Variants in ROBO1 observed in about 807,000 individuals in gnomAD.
ROBO1 encodes roundabout homolog 1.
ROBO1 carries 149 observed loss-of-function variants against 195.9 expected under a neutral mutation model. That is an observed-to-expected ratio of 0.76 (90% CI 0.67 to 0.87). The LOEUF (loss-of-function observed/expected upper bound fraction) is 0.87, where lower values mean the gene tolerates loss of function less well. Ranked by LOEUF, ROBO1 falls within the 40% of genes least tolerant of loss-of-function variation. ROBO1 has a pLI of 0.00. For synonymous variants in ROBO1, 816 were observed against 733.2 expected (o/e 1.11, Z -1.82); for missense variants, 1,933 against 2,068.3 (o/e 0.93, Z 1.27).
At chr3:79,263,433 G>A (rs1032217104) in intron 2 of ROBO1, among the ~76,000 whole-genome samples, 1 of 152,044 alleles carries the variant, frequency 6.6e-6, no homozygotes, top group African/African-American at 2.4e-5. Context: ...AAAACAGCAT[G>A]AGGACAAGAG....
At chr3:78,875,093 A>T (rs969970222) in intron 4 of ROBO1, among the ~76,000 whole-genome samples, 5 of 152,042 alleles carry the variant, frequency 3.3e-5, no homozygotes, top group African/African-American at 9.7e-5. Flanking sequence ...GTCATGGGAA[A>T]ATTAGAGAAT....
intron 21 of ROBO1, among the ~76,000 whole-genome samples, chr3:78,645,437 T>C (rs181252529): frequency 8.7e-6 from 1 of 114,856 alleles, no homozygotes; most frequent in East Asian, 2.5e-4. Context: ...GTAAGCTAGA[T>C]GTTACTGTTT....
intron 5 of ROBO1, among the ~76,000 whole-genome samples, chr3:78,723,337 T>C (rs2082086622): frequency 6.6e-6 from 1 of 152,186 alleles, no homozygotes; most frequent in Non-Finnish European, 1.5e-5. Context: ...AACAGGGCTG[T>C]ACCATGTAGG....
chr3:79,379,103 T>C (rs1052666888), intron 2 of ROBO1, among the ~76,000 whole-genome samples: 3 of 130,396 alleles, frequency 2.3e-5, no homozygotes, highest in African/African-American at 7.5e-5. Flanking sequence ...AGTGGAACAT[T>C]ACACATGTAC....
chr3:78,658,613 A>G (rs1707186066), intron 17 of ROBO1, among the ~76,000 whole-genome samples: 1 of 152,240 alleles, frequency 6.6e-6, no homozygotes, highest in African/African-American at 2.4e-5. Context: ...GATGTTCTCA[A>G]GCAATATATA....
intron 25 of ROBO1, among the ~76,000 whole-genome samples, chr3:78,627,846 C>G (rs1484591987): frequency 1.3e-5 from 2 of 151,980 alleles, no homozygotes; most frequent in East Asian, 3.9e-4. Flanking sequence ...TTAGTACAGC[C>G]CAAATGTATT....
chr3:79,402,299 T>C (rs979466400), intron 2 of ROBO1, among the ~76,000 whole-genome samples: 2 of 151,966 alleles, frequency 1.3e-5, no homozygotes, highest in African/African-American at 4.8e-5. Flanking sequence ...AAGACACTTA[T>C]TATTACAGAC....
intron 2 of ROBO1, among the ~76,000 whole-genome samples, chr3:79,421,299 A>C (rs533764295): frequency 3.6e-4 from 55 of 152,176 alleles, no homozygotes; most frequent in South Asian, 8.3e-4. Context: ...GTAATAAAAT[A>C]ATCTGTATAA....
chr3:79,562,798 T>G (rs1406694187), intron 2 of ROBO1, among the ~76,000 whole-genome samples: 1 of 152,022 alleles, frequency 6.6e-6, no homozygotes, highest in Non-Finnish European at 1.5e-5. Context: ...TATACTAAAA[T>G]AAAGTGATAT....
At chr3:79,526,397 T>C (rs998468212) in intron 2 of ROBO1, 5 of 152,218 alleles carry the variant, frequency 3.3e-5, no homozygotes, top group Non-Finnish European at 7.3e-5. Flanking sequence ...AGGTAACAGA[T>C]AGAGCTATGT....
At chr3:78,977,210 TC>T in intron 3 of ROBO1, among the ~76,000 whole-genome samples, 1 of 152,270 alleles carries the variant, frequency 6.6e-6, no homozygotes, top group African/African-American at 2.4e-5. Flanking sequence ...TCTCAGTCTA[TC>T]TTTTTAAACC....
In ROBO1 at chr3:78,884,912, CTCA is replaced by C. The variant is rs768144054; in HGVS notation, c.499+53686_499+53688del. ...TGTGTGTATTTCTCTTCTGTATGTT[CTCA>C]TCATGAAACTCAATTGCATTGCTTT... On this transcript the variant is annotated intron_variant, in intron 4 of 30. Transcript: ENST00000464233. Among the ~76,000 whole-genome samples, 4 of 141,398 alleles carry C rather than the reference CTCA, an allele frequency of 2.8e-5. No individual in the cohort carries two copies. The East Asian group carries it at 6.2e-4, about 22-fold the overall frequency. The allele number at this position is 141,398 out of a possible 152,430, so 92.8% of individuals were successfully genotyped here. A position where few individuals can be genotyped will look rare whatever the true frequency, so the allele number is the denominator to read the frequency against.
intron 2 of ROBO1, among the ~76,000 whole-genome samples, chr3:79,270,426 C>A (rs1204825359): frequency 6.7e-6 from 1 of 149,318 alleles, no homozygotes; most frequent in South Asian, 2.1e-4. Context: ...AACGTTAAGA[C>A]AAATGTCAAC....
intron 2 of ROBO1, among the ~76,000 whole-genome samples, chr3:79,344,198 T>C (rs2035020209): frequency 6.6e-6 from 1 of 152,216 alleles, no homozygotes; most frequent in Non-Finnish European, 1.5e-5. Context: ...CAGGTGAAGA[T>C]GGAAGTACCC....
chr3:79,386,535 A>T lies in ROBO1; in HGVS notation c.88+203289T>A, dbSNP rs138597416. Among the ~76,000 whole-genome samples the T allele has an allele frequency of 4.1e-3, 619 of 152,240 alleles. 2 individuals are homozygous for T. The highest frequency in any genetic ancestry group is 6.8e-3 in the Middle Eastern group (2 of 294). ...GGTCAGTTATTGTGCTAAATGCAAG[A>T]CAATGAAAGATGACTGAGGGATGCT... On this transcript the variant is annotated intron_variant, in intron 2 of 30. Coordinates refer to ENST00000464233, the MANE Select transcript of ROBO1 (RefSeq NM_002941.4).
At chr3:79,460,873 G>A (rs923863234) in intron 2 of ROBO1, among the ~76,000 whole-genome samples, 1 of 151,842 alleles carries the variant, frequency 6.6e-6, no homozygotes, top group Admixed American at 6.6e-5. Context: ...TCAACCTCCC[G>A]AGTAGCTGGG....
rs762790606 is a variant in ROBO1, at chr3:78,667,977, G to T, written c.1872C>A (p.Leu624=). Residue 624 remains leucine (L), a synonymous_variant, in exon 14 of 31, where the codon CTC becomes CTA. Coordinates refer to ENST00000464233, the MANE Select transcript of ROBO1 (RefSeq NM_002941.4). Reference sequence around the variant, plus strand: ...GGAAAAGGTAAATTGCATTAGGTTTGAGTCCTTTAATGGCAGATGTTTCTG... The same window carrying T: ...GGAAAAGGTAAATTGCATTAGGTTTTAGTCCTTTAATGGCAGATGTTTCTG... ...VKTETSAIKG[L]KPNAIYLFLV... is the part of the protein sequence containing the mutation. The T allele has an allele frequency of 6.2e-7, 1 of 1,613,762 alleles. No individual in the cohort carries two copies. The highest frequency in any genetic ancestry group is 8.5e-7 in the Non-Finnish European group (1 of 1,179,782).
chr3:79,023,454 C>T (rs368221537), intron 3 of ROBO1, among the ~76,000 whole-genome samples: 304 of 152,204 alleles, frequency 2.0e-3, no homozygotes, highest in African/African-American at 7.1e-3. Flanking sequence ...TTTCAAGAAA[C>T]GAGGCCTATT....
rs770388395 is a variant in ROBO1, at chr3:79,214,811, AAT to A, written c.89-89274_89-89273del. ...ATATACACCATACCACAAAACTGCA[AAT>A]ATATATATATATATTTTTTTTTTTT... On this transcript the variant is annotated intron_variant, in intron 2 of 30. Transcript: ENST00000464233. 4.7e-3 allele frequency among the ~76,000 whole-genome samples: 677 copies of A among 143,392 alleles called. 4 individuals are homozygous for A. Among genetic ancestry groups the A allele is most frequent in the African/African-American group, 0.015 (559 of 37,972 alleles). 94.1% of individuals were successfully genotyped at this position (143,392 alleles called of 152,430 possible).
Sources: allele counts gnomAD v4.1 joint callset (sites outside exome capture counted in the v4.1 genomes callset), GRCh38; gene constraint gnomAD v4.1.1; transcripts MANE v1.5; gene names NCBI Gene and HGNC (gene_info 2026-07-23, HGNC 2026-07-21).